Variants in ASB18 observed in about 807,000 individuals in gnomAD.
The protein encoded by ASB18 is ankyrin repeat and SOCS box protein 18.
A neutral mutation model predicts 33.4 loss-of-function variants in ASB18; 33 were observed. The observed-to-expected ratio is 0.99, with a 90% CI of 0.75 to 1.32. The LOEUF is 1.32. Ranked by LOEUF, ASB18 falls within the 40% of genes most tolerant of loss-of-function variation. The pLI, the probability that ASB18 is intolerant of heterozygous loss-of-function variation, is 0.00. For missense variants in ASB18, 694 were observed against 655.5 expected, an observed-to-expected ratio of 1.06 and a Z score of -0.64; for synonymous variants, 295 against 307.6, an observed-to-expected ratio of 0.96 and a Z score of 0.43.
At chr2:236,224,779 C>T (rs1559332407) in intron 3 of ASB18, among the ~76,000 whole-genome samples, 1 of 152,180 alleles carries the variant, frequency 6.6e-6, no homozygotes, top group Non-Finnish European at 1.5e-5. Context: ...GTGTGACATT[C>T]TGCAAATATT....
rs2060675228 is a variant in ASB18 at position 236,253,102 on chromosome 2, G to T, written c.205+11039C>A. ...CTGGCTTTCTAGATGTTGATCCTAG[G>T]AAGTTTCCTGCCAAACTCCAGTCAG... On this transcript the variant is annotated intron_variant, in intron 1 of 5. Transcript: ENST00000409749. This position sits in a 1 kb window ranked among gnomAD's most constrained non-coding sequence, Gnocchi z 5.4. Among the ~76,000 whole-genome samples, 1 of 152,204 alleles carries T rather than the reference G, an allele frequency of 6.6e-6. No homozygotes were observed. The highest frequency in any genetic ancestry group is 2.1e-4 in the South Asian group (1 of 4,838).
In ASB18 at chr2:236,264,052, A is replaced by G. The variant is rs1285800909; in HGVS notation, c.205+89T>C. ...AGTACATATCATTTACTTTTTCCAA[A>G]CATTTGCCCCTCTACCTCCAGGATC... On this transcript the variant is annotated intron_variant, in intron 1 of 5. Coordinates refer to ENST00000409749, the MANE Select transcript of ASB18 (RefSeq NM_212556.4). This position sits in a 1 kb window ranked among gnomAD's most constrained non-coding sequence, Gnocchi z 5.1. 4.4e-6 allele frequency: 5 copies of G among 1,137,226 alleles called. No individual in the cohort carries two copies. Among genetic ancestry groups the G allele is most frequent in the Non-Finnish European group, 6.4e-6 (5 of 779,598 alleles). 70.4% of individuals were successfully genotyped at this position (1,137,226 alleles called of 1,614,324 possible).
chr2:236,238,610 G>GGGGTGTGT lies in ASB18; in HGVS notation c.329-655_329-654insACACACCC, dbSNP rs1553601613. ...GGTTTGTTTCTTTGCGCTTTTTAGGGGTGTGTGTGTGTGTGTGTGTAGGGT... is the reference window on the plus strand; with the variant it reads ...GGTTTGTTTCTTTGCGCTTTTTAGGGGGGTGTGTGTGTGTGTGTGTGTGTGTGTAGGGT... On this transcript the variant is annotated intron_variant, in intron 2 of 5. Coordinates refer to ENST00000409749, the MANE Select transcript of ASB18 (RefSeq NM_212556.4). This position sits in a 1 kb window ranked among gnomAD's most constrained non-coding sequence, Gnocchi z 5.2. Among the ~76,000 whole-genome samples, 44 of 150,380 alleles carry GGGGTGTGT rather than the reference G, an allele frequency of 2.9e-4. No individual in the cohort carries two copies. The highest frequency in any genetic ancestry group is 2.8e-3 in the East Asian group (14 of 5,088).
In ASB18 at chr2:236,220,706, G is replaced by A. The variant is rs1408909648; in HGVS notation, c.597-5840C>T. On this transcript the variant is annotated intron_variant, in intron 3 of 5. Transcript: ENST00000409749. This position sits in a 1 kb window ranked among gnomAD's most constrained non-coding sequence, Gnocchi z 5.1. ...AAGCAGAGGTCTCGTTGCTTCATGA[G>A]GCTTCCCACTGTCAGTCACACACCC... Among the ~76,000 whole-genome samples the A allele has an allele frequency of 6.6e-6, 1 of 152,134 alleles. No homozygotes were observed. Among genetic ancestry groups the A allele is most frequent in the East Asian group, 1.9e-4 (1 of 5,190 alleles).
At position 236,244,330 on chromosome 2, in the gene ASB18, G is replaced by A. The variant is rs2060634857; in HGVS notation, c.206-2928C>T. On this transcript the variant is annotated intron_variant, in intron 1 of 5. Coordinates refer to ENST00000409749, the MANE Select transcript of ASB18 (RefSeq NM_212556.4). The surrounding 1 kb of genome is among the most constrained non-coding windows in gnomAD (Gnocchi z 6.1). The stretch of plus-strand genomic sequence containing the variant: ...GAAGAGCAGTGCAGTATGGGCCCAG[G>A]AGGGCTAAGCAGACCCTCGCCCAGG... Among the ~76,000 whole-genome samples the A allele has an allele frequency of 6.6e-6, 1 of 150,748 alleles. No homozygotes were observed. The highest frequency in any genetic ancestry group is 1.5e-5 in the Non-Finnish European group (1 of 68,036).
At position 236,208,704 on chromosome 2, in the gene ASB18, C is replaced by T. The variant is rs565883896; in HGVS notation, c.1101+5658G>A. Among the ~76,000 whole-genome samples, 2 of 152,304 alleles carry T rather than the reference C, an allele frequency of 1.3e-5. No individual in the cohort carries two copies. Among genetic ancestry groups the T allele is most frequent in the Admixed American group, 1.3e-4 (2 of 15,306 alleles). On this transcript the variant is annotated intron_variant, in intron 4 of 5. Transcript: ENST00000409749. The surrounding 1 kb of genome is among the most constrained non-coding windows in gnomAD (Gnocchi z 7.7). Reference sequence around the variant, plus strand: ...TTTCTGTCTCTCCTCTGTTCCACCTCTCTGGGGCTCCCTGCCCCTCCCCGT... The same window carrying T: ...TTTCTGTCTCTCCTCTGTTCCACCTTTCTGGGGCTCCCTGCCCCTCCCCGT...
Position 236,223,055 on chromosome 2 carries a change from C to T in ASB18, c.597-8189G>A, listed in dbSNP as rs1175449628. 2.0e-5 allele frequency among the ~76,000 whole-genome samples: 3 copies of T among 152,148 alleles called. No homozygotes were observed. The highest frequency in any genetic ancestry group is 6.5e-5 in the Admixed American group (1 of 15,278). Reference sequence around the variant, plus strand: ...TGTGTGACACCCCCCATCCCTGTTCCTGCTTTCACTGTGTGGTGTGCCTGC... The same window carrying T: ...TGTGTGACACCCCCCATCCCTGTTCTTGCTTTCACTGTGTGGTGTGCCTGC... On this transcript the variant is annotated intron_variant, in intron 3 of 5. Coordinates refer to ENST00000409749, the MANE Select transcript of ASB18 (RefSeq NM_212556.4). The surrounding 1 kb of genome is among the most constrained non-coding windows in gnomAD (Gnocchi z 4.6).
At position 236,223,972 on chromosome 2, in the gene ASB18, T is replaced by C. The variant is rs1559332207; in HGVS notation, c.597-9106A>G. 6.6e-6 allele frequency among the ~76,000 whole-genome samples: 1 copy of C among 152,146 alleles called. No homozygotes were observed. Among genetic ancestry groups the C allele is most frequent in the Non-Finnish European group, 1.5e-5 (1 of 68,020 alleles). On this transcript the variant is annotated intron_variant, in intron 3 of 5. Transcript: ENST00000409749. The surrounding 1 kb of genome is among the most constrained non-coding windows in gnomAD (Gnocchi z 4.6). ...GTTTCTATTTTTTGACTATTATAAA[T>C]AAAGCTTCTATGAACGTTTTTGTAT...
Position 236,195,569 on chromosome 2 carries a change from G to A in ASB18, c.1216-512C>T, listed in dbSNP as rs1282107413. Among the ~76,000 whole-genome samples, 9 of 151,394 alleles carry A rather than the reference G, an allele frequency of 5.9e-5. No homozygotes were observed. The South Asian group carries it at 8.4e-4, about 14-fold the overall frequency. On this transcript the variant is annotated intron_variant, in intron 5 of 5. Transcript: ENST00000409749. This position sits in a 1 kb window ranked among gnomAD's most constrained non-coding sequence, Gnocchi z 5.5. ...CTAGCTCTGTCACCCAGGCTGGAGTGCAGTGGCGTGATCCCAGCTTATTGC... is the reference window on the plus strand; with the variant it reads ...CTAGCTCTGTCACCCAGGCTGGAGTACAGTGGCGTGATCCCAGCTTATTGC...
chr2:236,196,420 G>C lies in ASB18; in HGVS notation c.1102-35C>G, dbSNP rs959020296. Reference sequence around the variant, plus strand: ...AGAGGTGAAAGACGCAGCGTAGGCCGACTGGGTTCTGGGTCTCAGTGGGGA... The same window carrying C: ...AGAGGTGAAAGACGCAGCGTAGGCCCACTGGGTTCTGGGTCTCAGTGGGGA... On this transcript the variant is annotated intron_variant, in intron 4 of 5. Transcript: ENST00000409749. The surrounding 1 kb of genome is among the most constrained non-coding windows in gnomAD (Gnocchi z 5.6). 3 of 1,250,298 alleles carry C rather than the reference G, an allele frequency of 2.4e-6. No individual in the cohort carries two copies. Among genetic ancestry groups the C allele is most frequent in the Admixed American group, 2.0e-5 (1 of 50,498 alleles). 77.5% of individuals were successfully genotyped at this position (1,250,298 alleles called of 1,614,324 possible). A position where few individuals can be genotyped will look rare whatever the true frequency, so the allele number is the denominator to read the frequency against.
rs2106286180 is a variant in ASB18, at chr2:236,256,333, T to C, written c.205+7808A>G. On this transcript the variant is annotated intron_variant, in intron 1 of 5. Coordinates refer to ENST00000409749, the MANE Select transcript of ASB18 (RefSeq NM_212556.4). This position sits in a 1 kb window ranked among gnomAD's most constrained non-coding sequence, Gnocchi z 4.7. ...TGAACCACCATGCCCGGCCCATAAG[T>C]ATTTATTAGGTACCTAGTATGTGCA... Among the ~76,000 whole-genome samples, 1 of 152,166 alleles carries C rather than the reference T, an allele frequency of 6.6e-6. No homozygotes were observed. The highest frequency in any genetic ancestry group is 2.1e-4 in the South Asian group (1 of 4,808).
rs536381628 is a variant in ASB18 at position 236,217,863 on chromosome 2, G to A, written c.597-2997C>T. Among the ~76,000 whole-genome samples the A allele has an allele frequency of 2.0e-5, 3 of 152,282 alleles. No individual in the cohort carries two copies. Among genetic ancestry groups the A allele is most frequent in the African/African-American group, 4.8e-5 (2 of 41,554 alleles). ...AGGATGCAAATTTTACAGTCAGAGCGCTTCACTTTGCTTCCTATTTGCTTC... is the reference window on the plus strand; with the variant it reads ...AGGATGCAAATTTTACAGTCAGAGCACTTCACTTTGCTTCCTATTTGCTTC... On this transcript the variant is annotated intron_variant, in intron 3 of 5. Coordinates refer to ENST00000409749, the MANE Select transcript of ASB18 (RefSeq NM_212556.4). The surrounding 1 kb of genome is among the most constrained non-coding windows in gnomAD (Gnocchi z 5.2).
At position 236,260,858 on chromosome 2, in the gene ASB18, A is replaced by G. The variant is rs2060714033; in HGVS notation, c.205+3283T>C. ...GTGCCAGTCTCTGAGGGGAGGCCCC[A>G]GCAGAAAGCAGTTCCCAAGCTCATC... is the stretch of plus-strand genomic sequence containing the variant. On this transcript the variant is annotated intron_variant, in intron 1 of 5. Transcript: ENST00000409749. The surrounding 1 kb of genome is among the most constrained non-coding windows in gnomAD (Gnocchi z 5.1). 1.3e-5 allele frequency among the ~76,000 whole-genome samples: 2 copies of G among 152,164 alleles called. No homozygotes were observed. The highest frequency in any genetic ancestry group is 2.4e-5 in the African/African-American group (1 of 41,446).
Position 236,235,457 on chromosome 2 carries a change from C to T in ASB18, c.596+2232G>A, listed in dbSNP as rs1051612354. Among the ~76,000 whole-genome samples, 5 of 152,286 alleles carry T rather than the reference C, an allele frequency of 3.3e-5. No homozygotes were observed. The highest frequency in any genetic ancestry group is 4.8e-5 in the African/African-American group (2 of 41,566). ...CACATTTCTGAGAATGTATCCCCAT[C>T]GTTAAGCGACAAATGACTGTATGTG... On this transcript the variant is annotated intron_variant, in intron 3 of 5. Transcript: ENST00000409749. The surrounding 1 kb of genome is among the most constrained non-coding windows in gnomAD (Gnocchi z 6.2).
At position 236,252,266 on chromosome 2, in the gene ASB18, G is replaced by GCCAC. The variant is rs2060671676; in HGVS notation, c.206-10865_206-10864insGTGG. On this transcript the variant is annotated intron_variant, in intron 1 of 5. Transcript: ENST00000409749. This position sits in a 1 kb window ranked among gnomAD's most constrained non-coding sequence, Gnocchi z 7.9. Reference sequence around the variant, plus strand: ...AGCCTTGGCAACAGAGTGAGACTCCGTCACACACACACACACACACACACA... The same window carrying GCCAC: ...AGCCTTGGCAACAGAGTGAGACTCCGCCACTCACACACACACACACACACACACA... 1.8e-5 allele frequency among the ~76,000 whole-genome samples: 1 copy of GCCAC among 57,070 alleles called. No individual in the cohort carries two copies. Among genetic ancestry groups the GCCAC allele is most frequent in the East Asian group, 7.1e-4 (1 of 1,402 alleles). The allele number at this position is 57,070 out of a possible 152,430, so 37.4% of individuals were successfully genotyped here.
chr2:236,244,979 G>A lies in ASB18; in HGVS notation c.206-3577C>T, dbSNP rs2060637881. On this transcript the variant is annotated intron_variant, in intron 1 of 5. Transcript: ENST00000409749. This position sits in a 1 kb window ranked among gnomAD's most constrained non-coding sequence, Gnocchi z 6.1. ...ACAGAGGAGGGCTGCAGTGGTGCTG[G>A]GTGGGGAGGGATGAGGCCACGTTTG... is the stretch of plus-strand genomic sequence containing the variant. Among the ~76,000 whole-genome samples, 1 of 152,142 alleles carries A rather than the reference G, an allele frequency of 6.6e-6. No homozygotes were observed. The highest frequency in any genetic ancestry group is 6.5e-5 in the Admixed American group (1 of 15,284).
rs1276020841 is a variant in ASB18, at chr2:236,215,019, G to C, written c.597-153C>G. Among the ~76,000 whole-genome samples the C allele has an allele frequency of 8.8e-6, 1 of 113,858 alleles. No homozygotes were observed. Among genetic ancestry groups the C allele is most frequent in the Admixed American group, 8.4e-5 (1 of 11,844 alleles). 74.7% of individuals were successfully genotyped at this position (113,858 alleles called of 152,430 possible). On this transcript the variant is annotated intron_variant, in intron 3 of 5. Coordinates refer to ENST00000409749, the MANE Select transcript of ASB18 (RefSeq NM_212556.4). The surrounding 1 kb of genome is among the most constrained non-coding windows in gnomAD (Gnocchi z 7.2). Reference sequence around the variant, plus strand: ...AGGCGTCAGGAGTTCAAACTAAACTGGAAAAAAAAAAAAAAAAAAAGAGAT... The same window carrying C: ...AGGCGTCAGGAGTTCAAACTAAACTCGAAAAAAAAAAAAAAAAAAAGAGAT...
Position 236,214,984 on chromosome 2 carries a change from T to G in ASB18, c.597-118A>C. The G allele has an allele frequency of 3.1e-6, 2 of 645,644 alleles. No homozygotes were observed. Among genetic ancestry groups the G allele is most frequent in the Non-Finnish European group, 4.1e-6 (2 of 493,666 alleles). 40.0% of individuals were successfully genotyped at this position (645,644 alleles called of 1,614,324 possible). On this transcript the variant is annotated intron_variant, in intron 3 of 5. Transcript: ENST00000409749. The surrounding 1 kb of genome is among the most constrained non-coding windows in gnomAD (Gnocchi z 6.5). ...CTGAATGAAAAGACATGCTCCGCTCTCCCATACCAAGGCGTCAGGAGTTCA... is the reference window on the plus strand; with the variant it reads ...CTGAATGAAAAGACATGCTCCGCTCGCCCATACCAAGGCGTCAGGAGTTCA...
In ASB18 at chr2:236,263,404, G is replaced by A. The variant is rs1162730907; in HGVS notation, c.205+737C>T. ...CGACAGGCAGTGAAGAATTACCAGT[G>A]TGTGCTTATCAAATGGCAATTTAAT... On this transcript the variant is annotated intron_variant, in intron 1 of 5. Coordinates refer to ENST00000409749, the MANE Select transcript of ASB18 (RefSeq NM_212556.4). The surrounding 1 kb of genome is among the most constrained non-coding windows in gnomAD (Gnocchi z 4.0). Among the ~76,000 whole-genome samples, 3 of 152,222 alleles carry A rather than the reference G, an allele frequency of 2.0e-5. No individual in the cohort carries two copies. Among genetic ancestry groups the A allele is most frequent in the Admixed American group, 6.5e-5 (1 of 15,284 alleles).
Sources: allele counts gnomAD v4.1 joint callset (sites outside exome capture counted in the v4.1 genomes callset), GRCh38; gene constraint gnomAD v4.1.1; non-coding constraint Gnocchi (gnomAD v3.1); transcripts MANE v1.5; gene names NCBI Gene and HGNC (gene_info 2026-07-23, HGNC 2026-07-21).